MGAM: variants seen among roughly 807,000 people sequenced by gnomAD.
The protein encoded by MGAM is maltase-glucoamylase.
MGAM carries 253 observed loss-of-function variants against 358.8 expected under a neutral mutation model. That is an observed-to-expected ratio of 0.71 (90% CI 0.64 to 0.78). MGAM has a LOEUF of 0.78. Ranked by LOEUF, MGAM falls within the 30% of genes least tolerant of loss-of-function variation. MGAM has a pLI of 0.00. For synonymous variants in MGAM, 1,105 were observed against 1,227.1 expected (o/e 0.90, Z 2.08); for missense variants, 3,080 against 3,432.6 (o/e 0.90, Z 2.57).
At chr7:142,034,448 G>A in intron 15 of MGAM, 69 bp downstream of exon 15, 2 of 1,177,008 alleles carry the variant, frequency 1.7e-6, no homozygotes, top group Non-Finnish European at 2.4e-6. Flanking sequence ...TTTAATTCTT[G>A]GAGATTATGG....
At chr7:142,077,264 C>G (rs984176382) in intron 47 of MGAM, among the ~76,000 whole-genome samples, 17 of 145,652 alleles carry the variant, frequency 1.2e-4, no homozygotes, top group African/African-American at 3.9e-4. Context: ...TAGTTACCAA[C>G]TTGAATTAAT....
At chr7:142,007,227 A>T (rs929123250) in intron 2 of MGAM, among the ~76,000 whole-genome samples, 10 of 152,148 alleles carry the variant, frequency 6.6e-5, no homozygotes, top group African/African-American at 2.4e-4. Context: ...TTTGAAATTT[A>T]TACATAGTTT....
At chr7:142,032,147 C>T (rs75650969) in intron 13 of MGAM, among the ~76,000 whole-genome samples, 2,671 of 150,714 alleles carry the variant, frequency 0.018, 63 homozygotes, top group African/African-American at 0.062. Flanking sequence ...AAGACTCTTC[C>T]TTTTGGACAT....
rs76696252 is a variant in MGAM at position 142,073,149 on chromosome 7, G to A, written c.5187-936G>A. Among the ~76,000 whole-genome samples, 897 of 146,162 alleles carry A rather than the reference G, an allele frequency of 6.1e-3. 39 individuals are homozygous for A. The highest frequency in any genetic ancestry group is 0.02 in the African/African-American group (826 of 41,182). On this transcript the variant is annotated intron_variant, in intron 44 of 70. Coordinates refer to ENST00000475668, the MANE Select transcript of MGAM (RefSeq NM_001365693.1). ...AATTTGTGTTGTTTTCACTGTCTGC[G>A]TTCATTTTTTAGTGAATGTGCCTAA...
In MGAM at chr7:142,079,911, A is replaced by G. The variant is rs562524014; in HGVS notation, c.5848-880A>G. 9.5e-4 allele frequency among the ~76,000 whole-genome samples: 139 copies of G among 146,512 alleles called. 3 individuals carry two copies. Among genetic ancestry groups the G allele is most frequent in the African/African-American group, 3.3e-3 (138 of 41,212 alleles). ...AGCACTAGCATGTTGTAGGCACCTAATGGGTTTGAAGTGAATGAACTTCCT... is the reference window on the plus strand; with the variant it reads ...AGCACTAGCATGTTGTAGGCACCTAGTGGGTTTGAAGTGAATGAACTTCCT... On this transcript the variant is annotated intron_variant, in intron 49 of 70. Transcript: ENST00000475668.
chr7:142,034,903 GT>G, intron 16 of MGAM, 62 bp downstream of exon 16: 1 of 1,525,604 alleles, frequency 6.6e-7, no homozygotes, highest in Non-Finnish European at 8.9e-7. Context: ...ATTCTAGAAA[GT>G]TTTCAAACCA....
chr7:142,040,719 C>T lies in MGAM; in HGVS notation c.2374-3C>T, dbSNP rs751822596. On this transcript the variant is annotated splice_region_variant and splice_polypyrimidine_tract_variant and intron_variant, in intron 20 of 70. Coordinates refer to ENST00000475668, the MANE Select transcript of MGAM (RefSeq NM_001365693.1). ...ATGTGTTTGATTTATCTGCATGCAT[C>T]AGGGGAGCCAAGTGAGATGGAGGAA... 6.2e-7 allele frequency: 1 copy of T among 1,612,792 alleles called. No individual in the cohort carries two copies. Among genetic ancestry groups the T allele is most frequent in the South Asian group, 1.1e-5 (1 of 90,918 alleles).
Position 142,100,862 on chromosome 7 carries a change from G to A in MGAM, c.7935G>A (p.Trp2645Ter). 6.2e-7 allele frequency: 1 copy of A among 1,613,250 alleles called. No individual in the cohort carries two copies. Among genetic ancestry groups the A allele is most frequent in the Non-Finnish European group, 8.5e-7 (1 of 1,179,650 alleles). The change falls in exon 68 of 71, where the codon TGG (tryptophan) becomes TGA (stop). Residue 2645 changes from tryptophan (W) to a stop codon, truncating the protein, a stop_gained. Coordinates refer to ENST00000475668, the MANE Select transcript of MGAM (RefSeq NM_001365693.1). LOFTEE classifies it high-confidence loss of function. ...ALDDEGTAGG[W>*]LFWDDGQSID... ...ATGATGAAGGAACTGCTGGGGGCTG[G>A]CTCTTCTGGGATGATGGGCAAAGCA...
rs781885481 is a variant in MGAM, at chr7:142,030,629, T to A, written c.1354-12T>A. The A allele has an allele frequency of 3.1e-6, 5 of 1,606,732 alleles. No homozygotes were observed. The African/African-American group carries it at 5.4e-5, about 17-fold the overall frequency. ...CCAGCTAGTTTGTTCATTGTATTCT[T>A]CCTATTTTTAGGATCCAGCCATCTC... On this transcript the variant is annotated splice_polypyrimidine_tract_variant and intron_variant, in intron 11 of 70. Transcript: ENST00000475668.
At position 142,065,637 on chromosome 7, in the gene MGAM, G is replaced by A. The variant is rs1563187713; in HGVS notation, c.4653+15G>A. 3.1e-6 allele frequency: 5 copies of A among 1,613,314 alleles called. No homozygotes were observed. Among genetic ancestry groups the A allele is most frequent in the African/African-American group, 1.3e-5 (1 of 75,012 alleles). ...GCATATCCTATGTGAGTGTCCTTGG[G>A]ATCCTCCTAAGCACCAAGAAGGTGG... On this transcript the variant is annotated intron_variant, in intron 39 of 70. Coordinates refer to ENST00000475668, the MANE Select transcript of MGAM (RefSeq NM_001365693.1).
At chr7:142,065,276 T>C (rs1007641539) in intron 37 of MGAM, 59 bp from the exon 38 acceptor site, 10 of 1,575,276 alleles carry the variant, frequency 6.3e-6, no homozygotes, top group African/African-American at 1.4e-5. Context: ...GAGCAGAAGC[T>C]CTATGGCCTT....
chr7:142,070,562 C>T (rs937026914), intron 43 of MGAM, among the ~76,000 whole-genome samples: 3 of 145,792 alleles, frequency 2.1e-5, no homozygotes, highest in Non-Finnish European at 3.1e-5. Context: ...GGAGGCTATG[C>T]GGCTGACATC....
At position 142,022,340 on chromosome 7, in the gene MGAM, T is replaced by C; in HGVS notation, c.783T>C (p.Thr261=). ...AGCTCTCCACTCGACTGCCTAGCAC[T>C]AACGTGTATGGCCTGGGAGAGCATG... ...FLQLSTRLPS[T]NVYGLGEHVH... The change falls in exon 7 of 71, where the codon ACT becomes ACC. Residue 261 remains threonine (T), a synonymous_variant. Coordinates refer to ENST00000475668, the MANE Select transcript of MGAM (RefSeq NM_001365693.1). 6.2e-7 allele frequency: 1 copy of C among 1,613,688 alleles called. No individual in the cohort carries two copies.
chr7:142,014,112 G>A (rs1373167287), intron 3 of MGAM, among the ~76,000 whole-genome samples: 1 of 152,220 alleles, frequency 6.6e-6, no homozygotes, highest in African/African-American at 2.4e-5. Context: ...CTTCAGTGAA[G>A]GAGGATAAGG....
At chr7:142,070,573 T>C (rs73740258) in intron 43 of MGAM, among the ~76,000 whole-genome samples, 14,018 of 145,482 alleles carry the variant, frequency 0.096, 2,067 homozygotes, top group African/African-American at 0.23. Context: ...GGCTGACATC[T>C]GAGGATTCTG....
At chr7:142,073,239 T>C (rs1394900377) in intron 44 of MGAM, among the ~76,000 whole-genome samples, 1 of 146,278 alleles carries the variant, frequency 6.8e-6, no homozygotes, top group African/African-American at 2.4e-5. Flanking sequence ...TTGTATCTCA[T>C]TGACTTCCTA....
Position 142,071,258 on chromosome 7 carries a change from G to T in MGAM, c.5186+140G>T. On this transcript the variant is annotated intron_variant, in intron 44 of 70. Coordinates refer to ENST00000475668, the MANE Select transcript of MGAM (RefSeq NM_001365693.1). ...TTGTTTTTTCTTTGTTTTGTTGTTT[G>T]TGTGTTAATCTTTTTCAGACTCTAT... is the stretch of plus-strand genomic sequence containing the variant. The T allele has an allele frequency of 6.2e-6, 7 of 1,122,766 alleles. No homozygotes were observed. In the South Asian group the frequency reaches 1.0e-4, roughly 16 times the overall value. The allele number at this position is 1,122,766 out of a possible 1,614,324, so 69.6% of individuals were successfully genotyped here. A position where few individuals can be genotyped will look rare whatever the true frequency, so the allele number is the denominator to read the frequency against.
At chr7:142,012,058 G>T (rs1000804915) in intron 3 of MGAM, among the ~76,000 whole-genome samples, 8 of 152,088 alleles carry the variant, frequency 5.3e-5, no homozygotes, top group Admixed American at 5.2e-4. Flanking sequence ...ATGAATAGAG[G>T]GTGATTTGAA....
intron 65 of MGAM, among the ~76,000 whole-genome samples, chr7:142,096,804 A>G (rs1488325033): frequency 1.3e-5 from 2 of 152,284 alleles, no homozygotes; most frequent in African/African-American, 2.4e-5. Flanking sequence ...GTGTACTTGT[A>G]TTGCTGCTGG....
Sources: allele counts gnomAD v4.1 joint callset (sites outside exome capture counted in the v4.1 genomes callset), GRCh38; gene constraint gnomAD v4.1.1; transcripts MANE v1.5; gene names NCBI Gene and HGNC (gene_info 2026-07-23, HGNC 2026-07-21).